The following SETDB2 variants were observed in gnomAD, a reference collection of about 807,000 sequenced individuals.
SETDB2 encodes the protein SET domain bifurcated histone lysine methyltransferase 2.
A neutral mutation model predicts 82.5 loss-of-function variants in SETDB2; 56 were observed. The observed-to-expected ratio is 0.68, with a 90% confidence interval of 0.55 to 0.85. The LOEUF (loss-of-function observed/expected upper bound fraction) is 0.85, where lower values mean the gene tolerates loss of function less well. SETDB2 is among the 40% of genes least tolerant of loss of function. SETDB2 has a pLI of 0.00. For synonymous variants in SETDB2, 272 were observed against 284.9 expected, an observed-to-expected ratio of 0.95 and a Z score of 0.46; for missense variants, 677 against 816.4, an observed-to-expected ratio of 0.83 and a Z score of 2.08.
At chr13:49,462,369 C>T (rs1430559422) in intron 4 of SETDB2, among the ~76,000 whole-genome samples, 1 of 152,260 alleles carries the variant, frequency 6.6e-6, no homozygotes, top group African/African-American at 2.4e-5. Flanking sequence ...AAAAGACACT[C>T]TTATCACTAC....
intron 1 of SETDB2, among the ~76,000 whole-genome samples, chr13:49,447,042 T>G (rs1260053903): frequency 1.3e-5 from 2 of 152,196 alleles, no homozygotes; most frequent in African/African-American, 4.8e-5. Context: ...AGATATTATC[T>G]TCTTCATTTT....
intron 2 of SETDB2, among the ~76,000 whole-genome samples, chr13:49,459,396 G>A (rs919739374): frequency 6.6e-6 from 1 of 152,050 alleles, no homozygotes; most frequent in African/African-American, 2.4e-5. Flanking sequence ...TCTTTCCTTT[G>A]CTTATAGGCC....
chr13:49,480,276 A>C lies in SETDB2; in HGVS notation c.927A>C (p.Ser309=). 1 of 1,612,112 alleles carries C rather than the reference A, an allele frequency of 6.2e-7. No individual in the cohort carries two copies. Among genetic ancestry groups the C allele is most frequent in the South Asian group, 1.1e-5 (1 of 90,738 alleles). ...GGAATGCCAAAACTTCCCCCTTGTC[A>C]AGTGACAAAATAACCACTGGATATA... The part of the protein sequence containing the change: ...TARNAKTSPL[S]SDKITTGYKY... The change falls in exon 7 of 14, where the codon TCA becomes TCC. Residue 309 remains serine (S), a synonymous_variant. Coordinates refer to ENST00000611815, the MANE Select transcript of SETDB2 (RefSeq NM_001160308.3).
At chr13:49,470,905 G>A (rs1958218016) in intron 5 of SETDB2, among the ~76,000 whole-genome samples, 1 of 151,628 alleles carries the variant, frequency 6.6e-6, no homozygotes, top group African/African-American at 2.4e-5. Flanking sequence ...GGTCTAATAG[G>A]ACACAGGCTT....
chr13:49,458,470 GTTAA>G (rs1038720647), intron 2 of SETDB2, among the ~76,000 whole-genome samples: 2 of 152,206 alleles, frequency 1.3e-5, no homozygotes, highest in African/African-American at 4.8e-5. Flanking sequence ...AGCCTAGGTT[GTTAA>G]TCACCACTCT....
intron 11 of SETDB2, among the ~76,000 whole-genome samples, chr13:49,487,861 T>C (rs1958627544): frequency 6.6e-6 from 1 of 152,190 alleles, no homozygotes; most frequent in African/African-American, 2.4e-5. Context: ...GTTAGGCCTT[T>C]TATTGGCAGC....
rs1958756327 is a variant in SETDB2 at position 49,493,832 on chromosome 13, T to C, written c.*1983T>C. 1 of 152,206 alleles carries C rather than the reference T, an allele frequency of 6.6e-6. No homozygotes were observed. 9.4% of individuals were successfully genotyped at this position (152,206 alleles called of 1,614,324 possible). ...GGTGACTACTGGAAATTGAATGCCA[T>C]TCTGTTCCTTCTCTTTTGCATATAT... On this transcript the variant is annotated 3_prime_UTR_variant, in exon 14 of 14. Transcript: ENST00000611815.
intron 2 of SETDB2, among the ~76,000 whole-genome samples, chr13:49,457,218 T>C (rs112238474): frequency 3.7e-4 from 31 of 83,012 alleles, no homozygotes; most frequent in Admixed American, 1.0e-3. Context: ...TCTAAGACTT[T>C]TTTTTTTTTT....
At chr13:49,448,214 G>A (rs1005268351) in intron 1 of SETDB2, among the ~76,000 whole-genome samples, 2 of 152,048 alleles carry the variant, frequency 1.3e-5, no homozygotes, top group South Asian at 2.1e-4. Context: ...GAGCCTATTT[G>A]GTAATTTATA....
chr13:49,474,351 T>G (rs1284817235), intron 5 of SETDB2, among the ~76,000 whole-genome samples: 2 of 152,234 alleles, frequency 1.3e-5, no homozygotes, highest in Non-Finnish European at 2.9e-5. Flanking sequence ...TCCACCTGAT[T>G]GATGAAACTC....
chr13:49,483,699 G>A lies in SETDB2; in HGVS notation c.1482+136G>A, dbSNP rs368849112. 27 of 428,002 alleles carry A rather than the reference G, an allele frequency of 6.3e-5. No individual in the cohort carries two copies. In the East Asian group the frequency reaches 1.2e-3, roughly 20 times the overall value. The allele number at this position is 428,002 out of a possible 1,614,324, so 26.5% of individuals were successfully genotyped here. ...GCTGGAGTGTGGTGGCACAGTCACA[G>A]CTCACTGCAGCCACAATCTCCTGGG... On this transcript the variant is annotated intron_variant, in intron 10 of 13. Transcript: ENST00000611815.
In SETDB2 at chr13:49,485,638, T is replaced by G; in HGVS notation, c.1491T>G (p.Val497=). The G allele has an allele frequency of 1.2e-6, 2 of 1,610,536 alleles. No homozygotes were observed. The highest frequency in any genetic ancestry group is 3.4e-5 in the Admixed American group (2 of 58,914). Residue 497 remains valine, a synonymous_variant, in exon 11 of 14, where the codon GTT becomes GTG. Transcript: ENST00000611815. Reference sequence around the variant, plus strand: ...TTCCTTGTTTTTTTAAGGAATTTGTTTCCTCGGAGTCTGTCACTCCAGAAG... The same window carrying G: ...TTCCTTGTTTTTTTAAGGAATTTGTGTCCTCGGAGTCTGTCACTCCAGAAG... The part of the protein sequence containing the change: ...FQHNGKKMEF[V]SSESVTPEDN...
At position 49,444,325 on chromosome 13, in the gene SETDB2, G is replaced by T; in HGVS notation, c.-874G>T. On this transcript the variant is annotated 5_prime_UTR_variant, in exon 1 of 14. Coordinates refer to ENST00000611815, the MANE Select transcript of SETDB2 (RefSeq NM_001160308.3). ...GTAGAGGCAGGGCGGGACTGTTGTG[G>T]TTGAGATGAAGGCTAGTAAATGGTG... The T allele has an allele frequency of 3.5e-6, 1 of 289,808 alleles. No homozygotes were observed. Among genetic ancestry groups the T allele is most frequent in the Non-Finnish European group, 6.9e-6 (1 of 145,878 alleles). 18.0% of individuals were successfully genotyped at this position (289,808 alleles called of 1,614,324 possible).
At chr13:49,474,116 G>T (rs1305303475) in intron 5 of SETDB2, among the ~76,000 whole-genome samples, 1 of 152,176 alleles carries the variant, frequency 6.6e-6, no homozygotes, top group Non-Finnish European at 1.5e-5. Context: ...ACAAAAATTA[G>T]CTGGATGTGG....
chr13:49,467,562 A>G (rs910911231), intron 4 of SETDB2, among the ~76,000 whole-genome samples: 1 of 152,226 alleles, frequency 6.6e-6, no homozygotes, highest in African/African-American at 2.4e-5. Context: ...TATAAAATGC[A>G]TGCAGAAGTA....
At chr13:49,485,566 G>A (rs1958581728) in intron 10 of SETDB2, 64 bp from the exon 11 acceptor site, 2 of 1,252,756 alleles carry the variant, frequency 1.6e-6, no homozygotes, top group African/African-American at 1.5e-5. Flanking sequence ...TGATGAAAGA[G>A]GCCTAACTGC....
chr13:49,447,125 T>C (rs1324719529), intron 1 of SETDB2, among the ~76,000 whole-genome samples: 1 of 152,182 alleles, frequency 6.6e-6, no homozygotes, highest in East Asian at 1.9e-4. Context: ...AAGTGTCTAT[T>C]ATGTTTGTTA....
intron 4 of SETDB2, among the ~76,000 whole-genome samples, chr13:49,466,811 C>CGT (rs746885237): frequency 8.6e-6 from 1 of 116,764 alleles, no homozygotes; most frequent in Non-Finnish European, 1.7e-5. Context: ...GCCTGGCTAA[C>CGT]TTTTTTTTTT....
chr13:49,453,287 G>A (rs1208874313), intron 2 of SETDB2, among the ~76,000 whole-genome samples: 3 of 150,864 alleles, frequency 2.0e-5, no homozygotes, highest in African/African-American at 7.3e-5. Context: ...AGCTCTTTCA[G>A]TTGGCTCTTT....
Sources: gnomAD v4.1 joint callset for allele counts (sites outside exome capture counted in the v4.1 genomes callset) on GRCh38, gnomAD v4.1.1 for gene constraint, MANE v1.5 for transcripts, NCBI Gene and HGNC (gene_info 2026-07-23, HGNC 2026-07-21) for gene names.